The following AUTS2 variants were observed in gnomAD, a reference collection of about 807,000 sequenced individuals.
AUTS2 encodes activator of transcription and developmental regulator AUTS2.
Under a neutral mutation model 112.4 loss-of-function variants are expected in AUTS2, and 17 were observed. That is an observed-to-expected ratio of 0.15 (90% CI 0.10 to 0.23). The LOEUF (loss-of-function observed/expected upper bound fraction) is 0.23. AUTS2 is among the 10% of genes least tolerant of loss of function. AUTS2 has a pLI of 1.00. For missense variants in AUTS2, 1,510 were observed against 1,701.6 expected (o/e 0.89, Z 1.98); for synonymous variants, 751 against 702.7 (o/e 1.07, Z -1.09).
At chr7:70,101,547 T>A (rs1007539006) in intron 2 of AUTS2, among the ~76,000 whole-genome samples, 1 of 151,876 alleles carries the variant, frequency 6.6e-6, no homozygotes, top group Non-Finnish European at 1.5e-5. Flanking sequence ...ATACAAAAAT[T>A]AGCCGGGCAT....
chr7:70,066,307 T>G (rs1386948478), intron 2 of AUTS2, among the ~76,000 whole-genome samples: 2 of 152,214 alleles, frequency 1.3e-5, no homozygotes, highest in Non-Finnish European at 2.9e-5. Context: ...CCAAATTATG[T>G]TTAAAAAGCT....
intron 4 of AUTS2, among the ~76,000 whole-genome samples, chr7:70,277,958 ATGTGTGTGTGTGTG>A (rs35350185): frequency 1.1e-5 from 1 of 92,276 alleles, no homozygotes; most frequent in African/African-American, 4.2e-5. Flanking sequence ...GTATGTATGT[ATGTGTGTGTGTGTG>A]TGTGTGTGTG....
chr7:69,721,260 C>CT (rs1450345749), intron 1 of AUTS2, among the ~76,000 whole-genome samples: 1 of 152,196 alleles, frequency 6.6e-6, no homozygotes, highest in East Asian at 1.9e-4. Flanking sequence ...GTCACGTTTA[C>CT]TTTTCACTGT....
intron 5 of AUTS2, among the ~76,000 whole-genome samples, chr7:70,467,574 T>C (rs1344908692): frequency 1.3e-5 from 2 of 152,232 alleles, no homozygotes; most frequent in Non-Finnish European, 2.9e-5. Flanking sequence ...AACAGTGTAT[T>C]TATTGACTTT....
intron 5 of AUTS2, among the ~76,000 whole-genome samples, chr7:70,685,327 G>A (rs529174849): frequency 6.6e-6 from 1 of 152,042 alleles, no homozygotes; most frequent in South Asian, 2.1e-4. Context: ...ACAAAAATTA[G>A]CCAGGCATGG....
intron 5 of AUTS2, among the ~76,000 whole-genome samples, chr7:70,612,656 A>T (rs1804154995): frequency 6.6e-6 from 1 of 152,172 alleles, no homozygotes; most frequent in Non-Finnish European, 1.5e-5. Context: ...TTCCATTTCA[A>T]GGAGACTAAC....
At chr7:70,407,772 G>A (rs1462040583) in intron 4 of AUTS2, among the ~76,000 whole-genome samples, 1 of 151,816 alleles carries the variant, frequency 6.6e-6, no homozygotes, top group Non-Finnish European at 1.5e-5. Flanking sequence ...GTCAAAAAAT[G>A]GGCCGGGCGT....
At chr7:69,808,254 T>C (rs1232220990) in intron 1 of AUTS2, among the ~76,000 whole-genome samples, 1 of 152,258 alleles carries the variant, frequency 6.6e-6, no homozygotes, top group South Asian at 2.1e-4. Context: ...GGGAGGAGCA[T>C]TAAATTGTGG....
intron 1 of AUTS2, among the ~76,000 whole-genome samples, chr7:69,639,671 C>T (rs751709021): frequency 3.9e-5 from 6 of 152,200 alleles, no homozygotes; most frequent in East Asian, 1.9e-4. Flanking sequence ...TAAAGGCTTC[C>T]GTCTTGCTCC....
chr7:70,562,381 G>A (rs574521338), intron 5 of AUTS2, among the ~76,000 whole-genome samples: 9 of 152,244 alleles, frequency 5.9e-5, no homozygotes, highest in South Asian at 4.1e-4. Context: ...TGCCAGGGTC[G>A]ACAACTAACA....
chr7:70,650,718 C>G lies in AUTS2; in HGVS notation c.691-47851C>G, dbSNP rs1806456196. Among the ~76,000 whole-genome samples the G allele has an allele frequency of 2.0e-5, 3 of 152,216 alleles. No individual in the cohort carries two copies. The South Asian group carries it at 6.2e-4, about 32-fold the overall frequency. ...TGAGAAGTACATACATTTACCTCTACATATCTCCAGTGAACTTCTGTGACC... is the reference window on the plus strand; with the variant it reads ...TGAGAAGTACATACATTTACCTCTAGATATCTCCAGTGAACTTCTGTGACC... On this transcript the variant is annotated intron_variant, in intron 5 of 18. Transcript: ENST00000342771.
chr7:70,376,946 G>A (rs898017806), intron 4 of AUTS2, among the ~76,000 whole-genome samples: 2 of 151,592 alleles, frequency 1.3e-5, no homozygotes, highest in African/African-American at 4.9e-5. Flanking sequence ...CTTTGTCAAT[G>A]ATCTGACCCA....
chr7:70,387,243 C>T (rs1439076358), intron 4 of AUTS2, among the ~76,000 whole-genome samples: 1 of 152,186 alleles, frequency 6.6e-6, no homozygotes, highest in Non-Finnish European at 1.5e-5. Flanking sequence ...GACTCTGCTC[C>T]CGTTACTTTA....
At chr7:70,439,535 T>A (rs1796037447) in intron 5 of AUTS2, among the ~76,000 whole-genome samples, 1 of 101,560 alleles carries the variant, frequency 9.8e-6, no homozygotes, top group African/African-American at 4.0e-5. Context: ...CGAGACTCCA[T>A]CTCAAAAAAA....
chr7:70,183,096 C>A (rs990616016), intron 4 of AUTS2, among the ~76,000 whole-genome samples: 1 of 152,092 alleles, frequency 6.6e-6, no homozygotes, highest in East Asian at 1.9e-4. Context: ...TAATGGAGTG[C>A]GAAGAAGCTG....
intron 1 of AUTS2, among the ~76,000 whole-genome samples, chr7:69,754,738 T>TCTTA (rs1288635887): frequency 6.6e-6 from 1 of 152,158 alleles, no homozygotes; most frequent in Non-Finnish European, 1.5e-5. Flanking sequence ...AATCTGCATA[T>TCTTA]CTTAGCTCAT....
chr7:70,159,170 G>T (rs1029791504), intron 4 of AUTS2, among the ~76,000 whole-genome samples: 1 of 152,114 alleles, frequency 6.6e-6, no homozygotes, highest in Admixed American at 6.5e-5. Context: ...TCTTTCAAGG[G>T]CATATGGCAT....
chr7:70,469,649 C>G (rs181190263), intron 5 of AUTS2, among the ~76,000 whole-genome samples: 109 of 152,086 alleles, frequency 7.2e-4, no homozygotes, highest in Middle Eastern at 6.8e-3. Flanking sequence ...GTTTTGTTTT[C>G]TTTTTAATTG....
At position 69,860,735 on chromosome 7, in the gene AUTS2, A is replaced by C. The variant is rs535494723; in HGVS notation, c.310-38551A>C. Reference sequence around the variant, plus strand: ...TTAAAGTAAGCTCTCTAATTATGCCAATGCCATTGACTCACCAAGTAGGAT... The same window carrying C: ...TTAAAGTAAGCTCTCTAATTATGCCCATGCCATTGACTCACCAAGTAGGAT... On this transcript the variant is annotated intron_variant, in intron 1 of 18. Transcript: ENST00000342771. Among the ~76,000 whole-genome samples the C allele has an allele frequency of 3.3e-5, 5 of 152,296 alleles. No individual in the cohort carries two copies. In the South Asian group the frequency reaches 1.0e-3, roughly 32 times the overall value.
Sources: allele counts gnomAD v4.1 joint callset (sites outside exome capture counted in the v4.1 genomes callset), GRCh38; gene constraint gnomAD v4.1.1; transcripts MANE v1.5; gene names NCBI Gene and HGNC (gene_info 2026-07-23, HGNC 2026-07-21).